The following ERLIN1 variants were observed in gnomAD, a reference collection of about 807,000 sequenced individuals.
ERLIN1 encodes the protein ER lipid raft associated 1.
Under a neutral mutation model 46.9 loss-of-function variants are expected in ERLIN1, and 24 were observed. The ratio of observed to expected loss-of-function variants is 0.51; its 90% CI spans 0.37 to 0.72. The LOEUF is 0.72. Ranked by LOEUF, ERLIN1 falls within the 30% of genes least tolerant of loss-of-function variation. The pLI is 0.00. For missense variants in ERLIN1, 293 were observed against 417.9 expected (o/e 0.70, Z 2.61); for synonymous variants, 158 against 143.2 (o/e 1.10, Z -0.74).
chr10:100,174,353 A>G (rs1010393670), intron 5 of ERLIN1, 72 bp from the exon 6 acceptor site: 1 of 1,078,366 alleles, frequency 9.3e-7, no homozygotes, highest in African/African-American at 1.6e-5. Context: ...TAATGAAACA[A>G]AACTAATCAT....
chr10:100,165,093 C>T (rs985092437), intron 7 of ERLIN1, among the ~76,000 whole-genome samples: 2 of 151,420 alleles, frequency 1.3e-5, no homozygotes, highest in Admixed American at 1.3e-4. Context: ...CAAGTAGCTA[C>T]TGGGTAACCA....
intron 10 of ERLIN1, among the ~76,000 whole-genome samples, chr10:100,154,454 T>G (rs1842969892): frequency 6.6e-6 from 1 of 152,238 alleles, no homozygotes; most frequent in Non-Finnish European, 1.5e-5. Flanking sequence ...ATGCATGAGA[T>G]GGTCTTCAAC....
rs1314096650 is a variant in ERLIN1 at position 100,167,495 on chromosome 10, T to C, written c.505-89A>G. The C allele has an allele frequency of 8.9e-6, 9 of 1,009,852 alleles. No individual in the cohort carries two copies. The Admixed American group carries it at 1.1e-4, about 13-fold the overall frequency. 62.6% of individuals were successfully genotyped at this position (1,009,852 alleles called of 1,614,324 possible). On this transcript the variant is annotated intron_variant, in intron 6 of 10. Transcript: ENST00000421367. ...TACAGAAAAGCCCCTCAAATGATAC[T>C]AATCTAATAAACAACAGCTATAATA...
At chr10:100,169,308 T>A (rs902386132) in intron 6 of ERLIN1, among the ~76,000 whole-genome samples, 5 of 151,860 alleles carry the variant, frequency 3.3e-5, no homozygotes, top group African/African-American at 9.7e-5. Flanking sequence ...AGGAAAAAAA[T>A]GGCTAATGAA....
intron 8 of ERLIN1, among the ~76,000 whole-genome samples, chr10:100,160,646 T>C (rs1468177504): frequency 2.0e-5 from 3 of 152,138 alleles, no homozygotes; most frequent in Admixed American, 2.0e-4. Flanking sequence ...CATCTCAATA[T>C]ATGTAGAAAA....
chr10:100,165,881 A>G lies in ERLIN1; in HGVS notation c.563+1467T>C, dbSNP rs532363957. Among the ~76,000 whole-genome samples, 4 of 152,208 alleles carry G rather than the reference A, an allele frequency of 2.6e-5. No homozygotes were observed. The South Asian group carries it at 8.3e-4, about 32-fold the overall frequency. On this transcript the variant is annotated intron_variant, in intron 7 of 10. Coordinates refer to ENST00000421367, the MANE Select transcript of ERLIN1 (RefSeq NM_006459.4). ...GCTGGGATTATAGGTGCCTGCCACC[A>G]TGTCCAGCTAATTTTTCTATTTTTA... is the stretch of plus-strand genomic sequence containing the variant.
At chr10:100,153,337 C>T (rs1403807702) in intron 10 of ERLIN1, among the ~76,000 whole-genome samples, 3 of 152,206 alleles carry the variant, frequency 2.0e-5, no homozygotes, top group Admixed American at 6.5e-5. Flanking sequence ...CCAGATCTCC[C>T]TCTGTCACAC....
At chr10:100,183,925 G>A (rs1844810605) in intron 1 of ERLIN1, 88 bp from the exon 2 acceptor site, 1 of 895,358 alleles carries the variant, frequency 1.1e-6, no homozygotes, top group Non-Finnish European at 1.8e-6. Flanking sequence ...ACTCACTCTT[G>A]CTCATGCTGC....
intron 6 of ERLIN1, among the ~76,000 whole-genome samples, chr10:100,172,480 G>T (rs996644056): frequency 2.6e-5 from 4 of 152,106 alleles, no homozygotes; most frequent in Non-Finnish European, 4.4e-5. Context: ...GAACAAATCA[G>T]TAAGAAAGAA....
intron 1 of ERLIN1, among the ~76,000 whole-genome samples, chr10:100,185,191 CG>C (rs1183314718): frequency 6.6e-6 from 1 of 152,152 alleles, no homozygotes; most frequent in Non-Finnish European, 1.5e-5. Context: ...TACAGTTGAA[CG>C]AACTATAATT....
intron 2 of ERLIN1, among the ~76,000 whole-genome samples, chr10:100,179,570 C>T (rs1209745064): frequency 6.6e-6 from 1 of 151,872 alleles, no homozygotes; most frequent in Non-Finnish European, 1.5e-5. Flanking sequence ...GGTTCTTGTG[C>T]CCCAGCCTCC....
intron 4 of ERLIN1, among the ~76,000 whole-genome samples, chr10:100,177,420 G>A (rs537575013): frequency 1.3e-5 from 2 of 152,210 alleles, no homozygotes; most frequent in African/African-American, 4.8e-5. Context: ...TGCCTGTACC[G>A]GTTATGTGAA....
chr10:100,171,309 G>A (rs1045371509), intron 6 of ERLIN1, among the ~76,000 whole-genome samples: 3 of 152,088 alleles, frequency 2.0e-5, no homozygotes, highest in African/African-American at 7.2e-5. Flanking sequence ...ATATAAAAAA[G>A]AGCTACAATA....
chr10:100,167,048 A>T (rs1336942887), intron 7 of ERLIN1, among the ~76,000 whole-genome samples: 1 of 152,246 alleles, frequency 6.6e-6, no homozygotes, highest in African/African-American at 2.4e-5. Context: ...TAAATATTTA[A>T]TTCAAGGTAC....
chr10:100,180,615 G>A (rs944874807), intron 2 of ERLIN1, among the ~76,000 whole-genome samples: 4 of 152,172 alleles, frequency 2.6e-5, no homozygotes, highest in African/African-American at 9.7e-5. Flanking sequence ...ATAGGCGAAC[G>A]AAAGTAGATA....
chr10:100,182,075 T>G (rs1292251795), intron 2 of ERLIN1, among the ~76,000 whole-genome samples: 1 of 152,184 alleles, frequency 6.6e-6, no homozygotes, highest in Non-Finnish European at 1.5e-5. Context: ...ATCTGTTTAC[T>G]ATTATCTATA....
intron 6 of ERLIN1, 78 bp downstream of exon 6, chr10:100,174,127 GAAT>G: frequency 1.1e-6 from 1 of 889,592 alleles, no homozygotes; most frequent in South Asian, 1.5e-5. Context: ...AATAATTGCT[GAAT>G]AAAACAATCC....
intron 2 of ERLIN1, among the ~76,000 whole-genome samples, chr10:100,179,838 C>T (rs1844536681): frequency 6.6e-6 from 1 of 152,182 alleles, no homozygotes; most frequent in African/African-American, 2.4e-5. Flanking sequence ...TTCCAGAGTC[C>T]CTTACCTGCC....
At chr10:100,185,385 C>T (rs1368063739) in intron 1 of ERLIN1, 129 bp downstream of exon 1, 3 of 684,466 alleles carry the variant, frequency 4.4e-6, no homozygotes, top group African/African-American at 1.8e-5. Flanking sequence ...CCCGCTTCGA[C>T]CCCCGTGCTC....
Sources: gnomAD v4.1 joint callset for allele counts (sites outside exome capture counted in the v4.1 genomes callset) on GRCh38, gnomAD v4.1.1 for gene constraint, MANE v1.5 for transcripts, NCBI Gene and HGNC (gene_info 2026-07-23, HGNC 2026-07-21) for gene names.